Variants in PTPRQ observed in about 807,000 individuals in gnomAD.
PTPRQ encodes the protein protein tyrosine phosphatase receptor type Q, also known as phosphatidylinositol phosphatase PTPRQ.
In PTPRQ, 199 loss-of-function variants were observed where a neutral mutation model predicts 246.0. The observed-to-expected ratio is 0.81, with a 90% confidence interval of 0.72 to 0.91. The LOEUF (loss-of-function observed/expected upper bound fraction) is 0.91. Ranked by LOEUF, PTPRQ falls within the 40% of genes least tolerant of loss-of-function variation. The pLI is 0.00. For synonymous variants in PTPRQ, 869 were observed against 853.2 expected (o/e 1.02, Z -0.32); for missense variants, 2,624 against 2,528.4 (o/e 1.04, Z -0.81).
chr12:80,520,014 G>T (rs1895421999), intron 17 of PTPRQ, among the ~76,000 whole-genome samples: 1 of 152,104 alleles, frequency 6.6e-6, no homozygotes, highest in Admixed American at 6.6e-5. Flanking sequence ...CATAGGTTAA[G>T]TGTGTGTTTT....
intron 37 of PTPRQ, among the ~76,000 whole-genome samples, chr12:80,650,481 A>T (rs1463251690): frequency 6.6e-6 from 1 of 152,030 alleles, no homozygotes; most frequent in Non-Finnish European, 1.5e-5. Flanking sequence ...CAAAAACATT[A>T]TTTCTATTTT....
intron 26 of PTPRQ, among the ~76,000 whole-genome samples, chr12:80,604,684 C>T (rs1025170317): frequency 7.3e-5 from 11 of 151,598 alleles, no homozygotes; most frequent in Middle Eastern, 3.4e-3. Flanking sequence ...TAGTCAAATA[C>T]TACGTTTCTG....
In PTPRQ at chr12:80,613,618, A is replaced by T. The variant is rs990699341; in HGVS notation, c.4945A>T (p.Thr1649Ser). 5 of 1,544,306 alleles carry T rather than the reference A, an allele frequency of 3.2e-6. No individual in the cohort carries two copies. In the African/African-American group the frequency reaches 6.9e-5, roughly 21 times the overall value. ...CCCAAAGGACCCACCTAACAACATG[A>T]CATTTCAGAAGATACCAGATGAAGT... The part of the protein sequence containing the change: ...SAPKDPPNNM[T>S]FQKIPDEVTK... Residue 1649 changes from threonine (T) to serine (S), a missense_variant, in exon 29 of 45, where the codon ACA becomes TCA. Transcript: ENST00000644991.
At chr12:80,588,496 C>G in intron 26 of PTPRQ, 44 bp downstream of exon 26, 1 of 1,424,368 alleles carries the variant, frequency 7.0e-7, no homozygotes, top group Non-Finnish European at 9.2e-7. Flanking sequence ...CTGTTATATT[C>G]TGTATCTGTC....
At chr12:80,656,763 A>G (rs1900451873) in intron 38 of PTPRQ, among the ~76,000 whole-genome samples, 1 of 151,922 alleles carries the variant, frequency 6.6e-6, no homozygotes. Context: ...TACCTAGAAA[A>G]CAAAGTGGTG....
At chr12:80,627,582 C>A (rs1204220893) in intron 33 of PTPRQ, among the ~76,000 whole-genome samples, 1 of 151,770 alleles carries the variant, frequency 6.6e-6, no homozygotes, top group Non-Finnish European at 1.5e-5. Context: ...GATACATATG[C>A]TGAATTTAAA....
chr12:80,641,237 G>A (rs1899845281), intron 35 of PTPRQ, among the ~76,000 whole-genome samples: 1 of 152,194 alleles, frequency 6.6e-6, no homozygotes, highest in African/African-American at 2.4e-5. Flanking sequence ...TCTGAGAGTA[G>A]CATAGCAGAA....
chr12:80,668,306 A>G (rs1380377053), intron 39 of PTPRQ, among the ~76,000 whole-genome samples: 1 of 151,924 alleles, frequency 6.6e-6, no homozygotes, highest in Non-Finnish European at 1.5e-5. Flanking sequence ...AATATACACA[A>G]GGATGTCATA....
intron 17 of PTPRQ, among the ~76,000 whole-genome samples, chr12:80,533,270 T>G (rs1230117792): frequency 1.3e-5 from 2 of 152,004 alleles, no homozygotes; most frequent in African/African-American, 2.4e-5. Context: ...CTAACATGAC[T>G]GAAATAAAAT....
intron 42 of PTPRQ, among the ~76,000 whole-genome samples, chr12:80,672,470 G>A (rs146849422): frequency 7.7e-4 from 117 of 151,804 alleles, no homozygotes; most frequent in African/African-American, 2.8e-3. Flanking sequence ...AAGACTAGAT[G>A]AACTTTCAAA....
rs531548654 is a variant in PTPRQ at position 80,560,573 on chromosome 12, T to G, written c.4285+10839T>G. Among the ~76,000 whole-genome samples, 4 of 152,294 alleles carry G rather than the reference T, an allele frequency of 2.6e-5. No homozygotes were observed. In the East Asian group the frequency reaches 7.7e-4, roughly 29 times the overall value. Reference sequence around the variant, plus strand: ...CAAGAAAACATTTTAACTATAGTTCTTGCACAGAAATTCACACCCAGAATC... The same window carrying G: ...CAAGAAAACATTTTAACTATAGTTCGTGCACAGAAATTCACACCCAGAATC... On this transcript the variant is annotated intron_variant, in intron 25 of 44. Coordinates refer to ENST00000644991, the MANE Select transcript of PTPRQ (RefSeq NM_001145026.2).
intron 20 of PTPRQ, among the ~76,000 whole-genome samples, chr12:80,540,380 T>A (rs1284574216): frequency 1.3e-5 from 2 of 152,116 alleles, no homozygotes; most frequent in African/African-American, 2.4e-5. Flanking sequence ...CAGAGTATTT[T>A]CCTTAACTCC....
At chr12:80,446,615 T>G (rs953113395) in intron 3 of PTPRQ, among the ~76,000 whole-genome samples, 6 of 151,840 alleles carry the variant, frequency 4.0e-5, no homozygotes, top group Non-Finnish European at 4.4e-5. Context: ...AATCCCGTGT[T>G]TATTATTTCC....
At chr12:80,514,467 AC>A (rs1285580668) in intron 17 of PTPRQ, among the ~76,000 whole-genome samples, 1 of 147,682 alleles carries the variant, frequency 6.8e-6, no homozygotes, top group Non-Finnish European at 1.5e-5. Flanking sequence ...AGAGACTATT[AC>A]CTGGCACATA....
At chr12:80,552,298 C>T (rs903550170) in intron 25 of PTPRQ, among the ~76,000 whole-genome samples, 5 of 151,790 alleles carry the variant, frequency 3.3e-5, no homozygotes, top group African/African-American at 1.2e-4. Flanking sequence ...TGTCAAAATC[C>T]AGGTAGGTGG....
intron 5 of PTPRQ, 150 bp from the exon 6 acceptor site, chr12:80,460,503 A>G (rs980791386): frequency 2.6e-6 from 1 of 389,948 alleles, no homozygotes; most frequent in African/African-American, 2.1e-5. Flanking sequence ...AAATGGGTAC[A>G]ATTAAAATCT....
chr12:80,460,540 G>A, intron 5 of PTPRQ, 113 bp from the exon 6 acceptor site: 1 of 395,516 alleles, frequency 2.5e-6, no homozygotes, highest in Non-Finnish European at 4.5e-6. Context: ...ACTTTTGCAT[G>A]TTATGTGTGT....
intron 35 of PTPRQ, among the ~76,000 whole-genome samples, chr12:80,636,892 A>G (rs978803670): frequency 2.0e-5 from 3 of 152,152 alleles, no homozygotes; most frequent in Non-Finnish European, 4.4e-5. Flanking sequence ...GGTGAGATTC[A>G]ATCCCCTAAG....
intron 25 of PTPRQ, among the ~76,000 whole-genome samples, chr12:80,555,601 G>A (rs1192090272): frequency 2.0e-5 from 3 of 148,886 alleles, no homozygotes; most frequent in Admixed American, 2.0e-4. Flanking sequence ...TTGCTCTCAA[G>A]CAAGTGAATA....
Sources: gnomAD v4.1 joint callset for allele counts (sites outside exome capture counted in the v4.1 genomes callset) on GRCh38, gnomAD v4.1.1 for gene constraint, MANE v1.5 for transcripts, NCBI Gene and HGNC (gene_info 2026-07-23, HGNC 2026-07-21) for gene names.